APBB2: variants seen among roughly 807,000 people sequenced by gnomAD.
APBB2 encodes the protein Fe65-like 1.
A neutral mutation model predicts 82.5 loss-of-function variants in APBB2; 38 were observed. That is an observed-to-expected ratio of 0.46 (90% CI 0.36 to 0.60). The LOEUF (loss-of-function observed/expected upper bound fraction) is 0.60, where lower values mean the gene tolerates loss of function less well. APBB2 is among the 20% of genes least tolerant of loss of function. The probability of loss-of-function intolerance (pLI) is 0.00; values close to 1 mark genes in which losing one functional copy is unlikely to be tolerated. For synonymous variants in APBB2, 341 were observed against 368.2 expected (o/e 0.93, Z 0.85); for missense variants, 772 against 972.3 (o/e 0.79, Z 2.74).
At chr4:40,903,507 T>C (rs932426566) in intron 10 of APBB2, among the ~76,000 whole-genome samples, 1 of 152,106 alleles carries the variant, frequency 6.6e-6, no homozygotes, top group Non-Finnish European at 1.5e-5. Context: ...GAAACTGATT[T>C]TGATGTAAGC....
chr4:41,095,712 G>A (rs1057312190), intron 3 of APBB2, among the ~76,000 whole-genome samples: 4 of 151,768 alleles, frequency 2.6e-5, no homozygotes, highest in East Asian at 3.9e-4. Flanking sequence ...CTGCTCACAC[G>A]TACACTTCTG....
chr4:40,986,047 C>T (rs1466599029), intron 6 of APBB2, among the ~76,000 whole-genome samples: 3 of 152,146 alleles, frequency 2.0e-5, no homozygotes, highest in Non-Finnish European at 4.4e-5. Context: ...CCTTTAAGCT[C>T]CACAGATCAC....
intron 1 of APBB2, among the ~76,000 whole-genome samples, chr4:41,173,623 C>G (rs1768946847): frequency 6.6e-6 from 1 of 152,320 alleles, no homozygotes; most frequent in African/African-American, 2.4e-5. Flanking sequence ...TACCATACTT[C>G]TACCATAACT....
intron 12 of APBB2, among the ~76,000 whole-genome samples, chr4:40,854,094 G>T (rs80105524): frequency 0.02 from 3,120 of 152,222 alleles, 53 homozygotes; most frequent in Middle Eastern, 0.041. Flanking sequence ...TTAAGCACAT[G>T]GATGGTCAAA....
At chr4:41,130,721 G>A (rs1470452575) in intron 2 of APBB2, among the ~76,000 whole-genome samples, 1 of 152,114 alleles carries the variant, frequency 6.6e-6, no homozygotes, top group Non-Finnish European at 1.5e-5. Context: ...ACAGAGGCCA[G>A]TCTCCTCGAG....
At chr4:40,935,187 A>T (rs1365821556) in intron 7 of APBB2, 48 bp from the exon 8 acceptor site, 11 of 1,261,982 alleles carry the variant, frequency 8.7e-6, no homozygotes, top group Admixed American at 3.0e-5. Context: ...TGATTTAAAG[A>T]AAAAGAAAAG....
intron 6 of APBB2, among the ~76,000 whole-genome samples, chr4:40,954,000 A>G (rs1790918449): frequency 6.6e-6 from 1 of 152,164 alleles, no homozygotes. Flanking sequence ...TTGGCCTGAG[A>G]ACAAGCCCAT....
intron 5 of APBB2, among the ~76,000 whole-genome samples, chr4:41,023,969 G>A (rs1490932605): frequency 6.6e-6 from 1 of 152,112 alleles, no homozygotes; most frequent in East Asian, 1.9e-4. Flanking sequence ...CATGGTACTG[G>A]TACAAAAACA....
intron 2 of APBB2, chr4:41,138,192 A>C (rs1296910496): frequency 6.6e-6 from 1 of 152,196 alleles, no homozygotes; most frequent in Admixed American, 6.5e-5. Flanking sequence ...TAAGTTTTAG[A>C]AAGAAACACA....
At chr4:40,830,633 A>T in intron 12 of APBB2, 56 bp from the exon 13 acceptor site, 1 of 1,047,322 alleles carries the variant, frequency 9.5e-7, no homozygotes, top group Non-Finnish European at 1.5e-6. Context: ...ACCAACACAT[A>T]CTTTAGTTAT....
At chr4:41,106,727 C>T (rs1048382973) in intron 2 of APBB2, among the ~76,000 whole-genome samples, 5 of 152,136 alleles carry the variant, frequency 3.3e-5, no homozygotes, top group Non-Finnish European at 7.4e-5. Flanking sequence ...CCGCCCACCT[C>T]GGCCTTCCAA....
At chr4:41,159,954 GGAGAAGGAGAAGAAGA>G (rs1764528316) in intron 1 of APBB2, among the ~76,000 whole-genome samples, 5 of 89,964 alleles carry the variant, frequency 5.6e-5, no homozygotes, top group South Asian at 3.9e-4. Flanking sequence ...AGAAGGAGAA[GGAGAAGGAGAAGAAGA>G]AGAAGAAGAA....
In APBB2 at chr4:40,929,905, G is replaced by A. The variant is rs78363922; in HGVS notation, c.1254+4551C>T. Among the ~76,000 whole-genome samples the A allele has an allele frequency of 3.4e-4, 51 of 152,228 alleles. No individual in the cohort carries two copies. The East Asian group carries it at 9.6e-3, about 29-fold the overall frequency. On this transcript the variant is annotated intron_variant, in intron 10 of 17. Transcript: ENST00000508593. The stretch of plus-strand genomic sequence containing the variant: ...TGAAGTTGTAGCTCTGCTCTGTAGT[G>A]GGGGAAAAACTCCTCCTATGGATAC...
chr4:40,880,931 A>G, intron 12 of APBB2: 1 of 984,578 alleles, frequency 1.0e-6, no homozygotes, highest in Non-Finnish European at 1.2e-6. Context: ...ATTCATGAAC[A>G]GGGACAGGAC....
intron 10 of APBB2, among the ~76,000 whole-genome samples, chr4:40,911,772 A>G (rs148750912): frequency 6.6e-6 from 1 of 152,084 alleles, no homozygotes; most frequent in African/African-American, 2.4e-5. Context: ...CCAGACCAAC[A>G]CCTAGGGGGA....
intron 12 of APBB2, among the ~76,000 whole-genome samples, chr4:40,852,962 C>T (rs980293556): frequency 6.6e-6 from 1 of 152,142 alleles, no homozygotes; most frequent in Non-Finnish European, 1.5e-5. Context: ...GGTCTTGATA[C>T]AACATAAATG....
chr4:40,820,780 G>A (rs1019027938), intron 17 of APBB2, among the ~76,000 whole-genome samples: 2 of 152,094 alleles, frequency 1.3e-5, no homozygotes, highest in Non-Finnish European at 2.9e-5. Context: ...CCATGATCTG[G>A]ACCGCACCTC....
intron 2 of APBB2, among the ~76,000 whole-genome samples, chr4:41,101,139 G>T (rs1745183739): frequency 6.6e-6 from 1 of 152,186 alleles, no homozygotes; most frequent in African/African-American, 2.4e-5. Context: ...CCAAACATGA[G>T]CTCATCTTAT....
intron 1 of APBB2, among the ~76,000 whole-genome samples, chr4:41,159,949 G>GAAGAAGAAGAAGA (rs1560912987): frequency 3.4e-5 from 2 of 59,032 alleles, no homozygotes; most frequent in African/African-American, 1.6e-4. Context: ...GGAGGAGAAG[G>GAAGAAGAAGAAGA]AGAAGGAGAA....
Sources: gnomAD v4.1 joint callset for allele counts (sites outside exome capture counted in the v4.1 genomes callset) on GRCh38, gnomAD v4.1.1 for gene constraint, MANE v1.5 for transcripts, NCBI Gene and HGNC (gene_info 2026-07-23, HGNC 2026-07-21) for gene names.